EGFR: variants seen among roughly 807,000 people sequenced by gnomAD.
EGFR encodes the protein avian erythroblastic leukemia viral (v-erb-b) oncogene homolog.
EGFR carries 58 observed loss-of-function variants against 143.0 expected under a neutral mutation model. That is an observed-to-expected ratio of 0.41 (90% confidence interval 0.33 to 0.50). EGFR has a LOEUF of 0.50. Ranked by LOEUF, EGFR falls within the 20% of genes least tolerant of loss-of-function variation. The probability of loss-of-function intolerance (pLI) is 0.39; values close to 1 mark genes in which losing one functional copy is unlikely to be tolerated. For synonymous variants in EGFR, 613 were observed against 594.4 expected (o/e 1.03, Z -0.45); for missense variants, 1,307 against 1,579.0 (o/e 0.83, Z 2.92).
At chr7:55,137,210 G>T (rs1436364833) in intron 1 of EGFR, among the ~76,000 whole-genome samples, 2 of 152,158 alleles carry the variant, frequency 1.3e-5, no homozygotes, top group African/African-American at 2.4e-5. Context: ...CGAAGATCTG[G>T]GCTGGGGATG....
At chr7:55,124,792 T>G (rs890659614) in intron 1 of EGFR, among the ~76,000 whole-genome samples, 1 of 152,206 alleles carries the variant, frequency 6.6e-6, no homozygotes, top group African/African-American at 2.4e-5. Flanking sequence ...GAGCCTCCAG[T>G]GCTCCTACTA....
intron 1 of EGFR, among the ~76,000 whole-genome samples, chr7:55,050,466 G>T (rs900923318): frequency 3.9e-5 from 6 of 152,152 alleles, no homozygotes; most frequent in Non-Finnish European, 5.9e-5. Context: ...TGTACGTGTG[G>T]ACCACATTTC....
intron 1 of EGFR, among the ~76,000 whole-genome samples, chr7:55,033,680 G>A (rs761894207): frequency 4.6e-5 from 7 of 152,250 alleles, no homozygotes; most frequent in Non-Finnish European, 8.8e-5. Flanking sequence ...CGTCCTTCCC[G>A]TGGTCTGGAC....
At chr7:55,021,989 T>C (rs1392365815) in intron 1 of EGFR, among the ~76,000 whole-genome samples, 1 of 152,018 alleles carries the variant, frequency 6.6e-6, no homozygotes, top group Admixed American at 6.5e-5. Flanking sequence ...CCAAATCAGG[T>C]GTGTGCAAAT....
intron 1 of EGFR, among the ~76,000 whole-genome samples, chr7:55,115,438 T>G (rs1324258739): frequency 6.6e-6 from 1 of 152,154 alleles, no homozygotes; most frequent in Non-Finnish European, 1.5e-5. Flanking sequence ...TTTTCATGAG[T>G]TCGTTTTAAC....
intron 1 of EGFR, among the ~76,000 whole-genome samples, chr7:55,103,381 T>C (rs1415965294): frequency 6.6e-6 from 1 of 152,250 alleles, no homozygotes; most frequent in Non-Finnish European, 1.5e-5. Context: ...GACAGTCTCA[T>C]TGCAGAAGTG....
chr7:55,189,371 G>A (rs1374487223), intron 20 of EGFR, among the ~76,000 whole-genome samples: 2 of 152,178 alleles, frequency 1.3e-5, no homozygotes, highest in South Asian at 2.1e-4. Context: ...GTGTGTGAAA[G>A]GGCTGGCACA....
chr7:55,195,113 T>A (rs1430522911), intron 22 of EGFR, among the ~76,000 whole-genome samples: 1 of 152,224 alleles, frequency 6.6e-6, no homozygotes, highest in East Asian at 1.9e-4. Flanking sequence ...TCATCATACA[T>A]GTTTAAAAAC....
intron 20 of EGFR, among the ~76,000 whole-genome samples, chr7:55,183,632 C>T (rs1184075076): frequency 6.6e-6 from 1 of 152,230 alleles, no homozygotes; most frequent in Admixed American, 6.5e-5. Flanking sequence ...TTCCCCAGCT[C>T]TCCTCCTGGT....
intron 19 of EGFR, chr7:55,179,818 A>G (rs898129261): frequency 9.2e-5 from 14 of 152,216 alleles, no homozygotes; most frequent in Admixed American, 9.2e-4. Flanking sequence ...CAGCATAACA[A>G]TTATTCACAT....
chr7:55,080,406 C>T (rs1473322740), intron 1 of EGFR, among the ~76,000 whole-genome samples: 1 of 151,374 alleles, frequency 6.6e-6, no homozygotes, highest in Non-Finnish European at 1.5e-5. Context: ...CATTTGCATA[C>T]CTGGAGGACA....
chr7:55,132,101 A>AT (rs1442466160), intron 1 of EGFR, among the ~76,000 whole-genome samples: 1 of 151,606 alleles, frequency 6.6e-6, no homozygotes, highest in Non-Finnish European at 1.5e-5. Flanking sequence ...AAATGTGTGT[A>AT]TGTTTATAGA....
At chr7:55,180,801 C>CTTCTCCAT (rs1786826327) in intron 19 of EGFR, 1 of 187,962 alleles carries the variant, frequency 5.3e-6, no homozygotes, top group Non-Finnish European at 1.1e-5. Flanking sequence ...CCCCGGATGC[C>CTTCTCCAT]TTCTCCATCG....
At chr7:55,044,833 C>A (rs956844956) in intron 1 of EGFR, among the ~76,000 whole-genome samples, 6 of 152,234 alleles carry the variant, frequency 3.9e-5, no homozygotes, top group African/African-American at 9.6e-5. Flanking sequence ...TGAATGAATT[C>A]TTTCAGAACT....
Position 55,101,652 on chromosome 7 carries a change from A to G in EGFR, c.89-40634A>G, listed in dbSNP as rs1246271529. Among the ~76,000 whole-genome samples, 3 of 152,236 alleles carry G rather than the reference A, an allele frequency of 2.0e-5. No individual in the cohort carries two copies. The East Asian group carries it at 5.8e-4, about 29-fold the overall frequency. ...CGCTTTGTAGTACTGCCCAGCTATG[A>G]AACAGGTTAGCCACACATGACCTGC... On this transcript the variant is annotated intron_variant, in intron 1 of 27. Transcript: ENST00000275493.
chr7:55,098,141 C>T (rs1469421302), intron 1 of EGFR, among the ~76,000 whole-genome samples: 1 of 152,174 alleles, frequency 6.6e-6, no homozygotes, highest in Non-Finnish European at 1.5e-5. Flanking sequence ...AATCTTTATC[C>T]TTAGCCTCCA....
At chr7:55,088,381 C>T (rs368767257) in intron 1 of EGFR, among the ~76,000 whole-genome samples, 9 of 152,304 alleles carry the variant, frequency 5.9e-5, no homozygotes, top group African/African-American at 1.7e-4. Flanking sequence ...GAGCGTGGTG[C>T]GTCCAGTACC....
intron 1 of EGFR, among the ~76,000 whole-genome samples, chr7:55,050,719 A>G (rs1225713227): frequency 6.6e-6 from 1 of 152,128 alleles, no homozygotes; most frequent in Non-Finnish European, 1.5e-5. Context: ...TAGGCCTTGC[A>G]TTGCCATAGC....
chr7:55,072,842 T>G (rs1789914916), intron 1 of EGFR, among the ~76,000 whole-genome samples: 2 of 152,228 alleles, frequency 1.3e-5, no homozygotes, highest in South Asian at 4.1e-4. Flanking sequence ...CTTTCCTGTG[T>G]GCTTGTCAGT....
Sources: gnomAD v4.1 joint callset for allele counts (sites outside exome capture counted in the v4.1 genomes callset) on GRCh38, gnomAD v4.1.1 for gene constraint, MANE v1.5 for transcripts, NCBI Gene and HGNC (gene_info 2026-07-23, HGNC 2026-07-21) for gene names.